ARGLU1: variants seen among roughly 807,000 people sequenced by gnomAD.
The protein encoded by ARGLU1 is arginine and glutamate-rich protein 1.
Under a neutral mutation model 37.6 loss-of-function variants are expected in ARGLU1, and 9 were observed. The observed-to-expected ratio is 0.24, with a 90% CI of 0.14 to 0.42. The LOEUF is 0.42. ARGLU1 is among the 10% of genes least tolerant of loss of function. ARGLU1 has a pLI of 1.00. For missense variants in ARGLU1, 211 were observed against 359.2 expected (o/e 0.59, Z 3.34); for synonymous variants, 166 against 138.5 (o/e 1.20, Z -1.39).
chr13:106,567,857 G>C lies in ARGLU1; in HGVS notation c.63C>G (p.Asn21Lys). 6.2e-7 allele frequency: 1 copy of C among 1,613,270 alleles called. No individual in the cohort carries two copies. Residue 21 changes from asparagine to lysine, a missense_variant, in exon 1 of 4, where the codon AAC (asparagine) becomes AAG (lysine). Physicochemically the swap from Asn to Lys is moderately conservative, Grantham distance 94. Transcript: ENST00000400198. This position sits in a 1 kb window ranked among gnomAD's most constrained non-coding sequence, Gnocchi z 4.3. The part of the protein sequence containing the change: ...RSKHTKSSKH[N>K]KKRSRSRSRS... The stretch of plus-strand genomic sequence containing the variant: ...GCGACCGGGACCGGCTGCGCTTCTT[G>C]TTGTGCTTGCTGCTCTTGGTGTGCT...
At chr13:106,563,851 A>G (rs895310899) in intron 1 of ARGLU1, among the ~76,000 whole-genome samples, 1 of 151,920 alleles carries the variant, frequency 6.6e-6, no homozygotes, top group African/African-American at 2.4e-5. Context: ...CTAATTTAGA[A>G]GGCCCTTAAT....
Position 106,568,072 on chromosome 13 carries a change from A to G in ARGLU1, c.-153T>C. The stretch of plus-strand genomic sequence containing the variant: ...CTTTATGCCTTTTCCCGGCGTCTAC[A>G]GCTGCCACGAAGGCCGCCTCCAACG... On this transcript the variant is annotated 5_prime_UTR_variant, in exon 1 of 4. Transcript: ENST00000400198. 6 of 1,244,624 alleles carry G rather than the reference A, an allele frequency of 4.8e-6. No individual in the cohort carries two copies. The highest frequency in any genetic ancestry group is 6.3e-6 in the Non-Finnish European group (6 of 948,510). 77.1% of individuals were successfully genotyped at this position (1,244,624 alleles called of 1,614,324 possible).
At chr13:106,554,113 A>C (rs1880599877) in intron 3 of ARGLU1, among the ~76,000 whole-genome samples, 1 of 152,232 alleles carries the variant, frequency 6.6e-6, no homozygotes, top group Admixed American at 6.5e-5. Flanking sequence ...ACCCAGGGCA[A>C]CTATGTCATT....
At chr13:106,559,946 C>T (rs774501839) in intron 1 of ARGLU1, among the ~76,000 whole-genome samples, 8 of 152,002 alleles carry the variant, frequency 5.3e-5, no homozygotes, top group Non-Finnish European at 8.8e-5. Flanking sequence ...ACAATAAATC[C>T]GGACAGAAAA....
In ARGLU1 at chr13:106,542,525, G is replaced by A. The variant is rs1179303217; in HGVS notation, c.*1471C>T. 1 of 151,946 alleles carries A rather than the reference G, an allele frequency of 6.6e-6. No individual in the cohort carries two copies. The highest frequency in any genetic ancestry group is 2.4e-5 in the African/African-American group (1 of 41,408). The allele number at this position is 151,946 out of a possible 1,614,324, so 9.4% of individuals were successfully genotyped here. A position where few individuals can be genotyped will look rare whatever the true frequency, so the allele number is the denominator to read the frequency against. ...CCTTACCACAATTAGACTCATTGAA[G>A]AGCTCAAAACTAAAGCAACAGCATT... On this transcript the variant is annotated 3_prime_UTR_variant, in exon 4 of 4. Coordinates refer to ENST00000400198, the MANE Select transcript of ARGLU1 (RefSeq NM_018011.4).
At chr13:106,563,403 A>G (rs1284885165) in intron 1 of ARGLU1, among the ~76,000 whole-genome samples, 2 of 152,186 alleles carry the variant, frequency 1.3e-5, no homozygotes, top group Non-Finnish European at 2.9e-5. Context: ...TAGATGCCAA[A>G]GCTAACGATC....
intron 3 of ARGLU1, among the ~76,000 whole-genome samples, chr13:106,547,077 C>T (rs116606344): frequency 0.012 from 1,792 of 152,194 alleles, 31 homozygotes; most frequent in African/African-American, 0.04. Flanking sequence ...CGAGTCTGGC[C>T]ACCACTTTTC....
Position 106,567,995 on chromosome 13 carries a change from CGG to C in ARGLU1, c.-78_-77del. 1 of 1,508,304 alleles carries C rather than the reference CGG, an allele frequency of 6.6e-7. No individual in the cohort carries two copies. Among genetic ancestry groups the C allele is most frequent in the South Asian group, 1.3e-5 (1 of 79,950 alleles). The allele number at this position is 1,508,304 out of a possible 1,614,324, so 93.4% of individuals were successfully genotyped here. A position where few individuals can be genotyped will look rare whatever the true frequency, so the allele number is the denominator to read the frequency against. Reference sequence around the variant, plus strand: ...TTCCCCTCGCCTCCGCCTTCGGACGCGGGCTGGCGGTTCTACCGAGGCCGGAG... The same window carrying C: ...TTCCCCTCGCCTCCGCCTTCGGACGCGCTGGCGGTTCTACCGAGGCCGGAG... On this transcript the variant is annotated 5_prime_UTR_variant, in exon 1 of 4. Coordinates refer to ENST00000400198, the MANE Select transcript of ARGLU1 (RefSeq NM_018011.4). This position sits in a 1 kb window ranked among gnomAD's most constrained non-coding sequence, Gnocchi z 4.3.
In ARGLU1 at chr13:106,564,710, C is replaced by T. The variant is rs79745877; in HGVS notation, c.347+2863G>A. On this transcript the variant is annotated intron_variant, in intron 1 of 3. Transcript: ENST00000400198. ...CATTCCATATACTCTCAAGGTTTCA[C>T]GACATTCAGCGAAGCCCCTCTCAGC... Among the ~76,000 whole-genome samples the T allele has an allele frequency of 3.5e-3, 536 of 152,260 alleles. 4 individuals carry two copies. Among genetic ancestry groups the T allele is most frequent in the African/African-American group, 0.013 (520 of 41,532 alleles).
chr13:106,555,794 G>A (rs562814308), intron 3 of ARGLU1, among the ~76,000 whole-genome samples: 1 of 152,246 alleles, frequency 6.6e-6, no homozygotes, highest in South Asian at 2.1e-4. Context: ...TCAAGATCTT[G>A]GCTGGGCACA....
chr13:106,562,630 T>C (rs868630646), intron 1 of ARGLU1, among the ~76,000 whole-genome samples: 6 of 152,192 alleles, frequency 3.9e-5, no homozygotes, highest in Middle Eastern at 3.4e-3. Context: ...TAAATCAAGA[T>C]CTTCAAGGTT....
chr13:106,557,862 G>T lies in ARGLU1; in HGVS notation c.574-731C>A. On this transcript the variant is annotated intron_variant, in intron 2 of 3. Transcript: ENST00000400198. The surrounding 1 kb of genome is among the most constrained non-coding windows in gnomAD (Gnocchi z 5.0). ...TACGGGCTTCTTCCATGGGGAAAAT[G>T]GACTTAACATTCAGATGTTGACAAT... The T allele has an allele frequency of 2.9e-5, 29 of 985,392 alleles. No homozygotes were observed. Among genetic ancestry groups the T allele is most frequent in the Non-Finnish European group, 3.5e-5 (29 of 829,926 alleles). 61.0% of individuals were successfully genotyped at this position (985,392 alleles called of 1,614,324 possible). A position where few individuals can be genotyped will look rare whatever the true frequency, so the allele number is the denominator to read the frequency against.
chr13:106,564,828 C>CT (rs1566476146), intron 1 of ARGLU1, among the ~76,000 whole-genome samples: 1 of 152,166 alleles, frequency 6.6e-6, no homozygotes, highest in Admixed American at 6.5e-5. Context: ...CTCTTATCCC[C>CT]TTTCCCTCTC....
At position 106,542,742 on chromosome 13, in the gene ARGLU1, C is replaced by T. The variant is rs1042001918; in HGVS notation, c.*1254G>A. The T allele has an allele frequency of 1.7e-4, 26 of 151,506 alleles. No individual in the cohort carries two copies. Among genetic ancestry groups the T allele is most frequent in the Non-Finnish European group, 5.9e-5 (4 of 67,862 alleles). The allele number at this position is 151,506 out of a possible 1,614,324, so 9.4% of individuals were successfully genotyped here. Reference sequence around the variant, plus strand: ...TATCCTTTTCTTGAATGTTTTAATACCAGTATACTTAAACATATGTTAAGA... The same window carrying T: ...TATCCTTTTCTTGAATGTTTTAATATCAGTATACTTAAACATATGTTAAGA... On this transcript the variant is annotated 3_prime_UTR_variant, in exon 4 of 4. Coordinates refer to ENST00000400198, the MANE Select transcript of ARGLU1 (RefSeq NM_018011.4).
At chr13:106,559,184 C>G (rs79446737) in intron 2 of ARGLU1, 50 of 1,453,616 alleles carry the variant, frequency 3.4e-5, no homozygotes, top group Non-Finnish European at 4.4e-5. Context: ...AAACACTTCT[C>G]AAATAGCCAG....
In ARGLU1 at chr13:106,557,300, G is replaced by T; in HGVS notation, c.574-169C>A. On this transcript the variant is annotated intron_variant, in intron 2 of 3. Transcript: ENST00000400198. This position sits in a 1 kb window ranked among gnomAD's most constrained non-coding sequence, Gnocchi z 5.0. ...GTGCAGTCACTAAAATTGGTTTCTA[G>T]CACTAAATTTAAATCATCCCTCCCA... The T allele has an allele frequency of 1.4e-6, 1 of 699,246 alleles. No individual in the cohort carries two copies. The highest frequency in any genetic ancestry group is 2.3e-6 in the Non-Finnish European group (1 of 439,148). 43.3% of individuals were successfully genotyped at this position (699,246 alleles called of 1,614,324 possible).
chr13:106,545,089 G>A lies in ARGLU1; in HGVS notation c.658-929C>T, dbSNP rs113743444. Reference sequence around the variant, plus strand: ...CACAATTTTAATCCCTTCCCCAAGGGGACATTAGGCAATGCATGGAGATGA... The same window carrying A: ...CACAATTTTAATCCCTTCCCCAAGGAGACATTAGGCAATGCATGGAGATGA... On this transcript the variant is annotated intron_variant, in intron 3 of 3. Coordinates refer to ENST00000400198, the MANE Select transcript of ARGLU1 (RefSeq NM_018011.4). 2.3e-3 allele frequency among the ~76,000 whole-genome samples: 352 copies of A among 152,226 alleles called. 4 individuals carry two copies. Among genetic ancestry groups the A allele is most frequent in the African/African-American group, 7.8e-3 (323 of 41,522 alleles).
At position 106,543,822 on chromosome 13, in the gene ARGLU1, A is replaced by G. The variant is rs913977221; in HGVS notation, c.*174T>C. 9.4e-5 allele frequency: 48 copies of G among 511,268 alleles called. No homozygotes were observed. Among genetic ancestry groups the G allele is most frequent in the Non-Finnish European group, 1.1e-4 (35 of 311,056 alleles). 31.7% of individuals were successfully genotyped at this position (511,268 alleles called of 1,614,324 possible). A position where few individuals can be genotyped will look rare whatever the true frequency, so the allele number is the denominator to read the frequency against. ...ATCTGATAAGGATTTGACTTAGTGGAAGGAAAAAAAAAAAAAAAAAGGGAA... is the reference window on the plus strand; with the variant it reads ...ATCTGATAAGGATTTGACTTAGTGGGAGGAAAAAAAAAAAAAAAAAGGGAA... On this transcript the variant is annotated 3_prime_UTR_variant, in exon 4 of 4. Transcript: ENST00000400198.
chr13:106,553,007 T>G (rs1880571715), intron 3 of ARGLU1, among the ~76,000 whole-genome samples: 1 of 152,208 alleles, frequency 6.6e-6, no homozygotes, highest in Non-Finnish European at 1.5e-5. Flanking sequence ...CATTCCTTAT[T>G]AGTCATTACG....
Sources: gnomAD v4.1 joint callset for allele counts (sites outside exome capture counted in the v4.1 genomes callset) on GRCh38, gnomAD v4.1.1 for gene constraint, Gnocchi (gnomAD v3.1) non-coding constraint, MANE v1.5 for transcripts, NCBI Gene and HGNC (gene_info 2026-07-23, HGNC 2026-07-21) for gene names.